Variants in LCTL observed in about 807,000 individuals in gnomAD.
The protein encoded by LCTL is lactase-like protein.
LCTL carries 76 observed loss-of-function variants against 75.8 expected under a neutral mutation model. That is an observed-to-expected ratio of 1.00 (90% CI 0.83 to 1.21). LCTL has a LOEUF of 1.21. Ranked by LOEUF, LCTL falls within the 50% of genes most tolerant of loss-of-function variation. The pLI, the probability that LCTL is intolerant of heterozygous loss-of-function variation, is 0.00. For missense variants in LCTL, 670 were observed against 712.4 expected (o/e 0.94, Z 0.68); for synonymous variants, 271 against 268.8 (o/e 1.01, Z -0.08).
At chr15:66,563,444 A>G in intron 4 of LCTL, 72 bp downstream of exon 5, 1 of 1,018,972 alleles carries the variant, frequency 9.8e-7, no homozygotes, top group South Asian at 1.4e-5. Context: ...TTGGCAACCC[A>G]AGTCCTCAAA....
In LCTL at chr15:66,564,589, A is replaced by G. The variant is rs925523019; in HGVS notation, c.282+87T>C. On this transcript the variant is annotated intron_variant, in intron 2 of 12. Coordinates refer to ENST00000341509, the Ensembl canonical transcript of LCTL. ...TGACATTGTCATCAGAGCTCCCCCA[A>G]ACGTCACTCCCTGCCTCCCAGCTAG... 34 of 1,455,888 alleles carry G rather than the reference A, an allele frequency of 2.3e-5. No individual in the cohort carries two copies. The Middle Eastern group carries it at 7.2e-4, about 31-fold the overall frequency. The allele number at this position is 1,455,888 out of a possible 1,614,324, so 90.2% of individuals were successfully genotyped here. A position where few individuals can be genotyped will look rare whatever the true frequency, so the allele number is the denominator to read the frequency against.
rs76150906 is a variant in LCTL at position 66,564,757 on chromosome 15, G to C, written c.201C>G (p.Asp67Glu). The C allele has an allele frequency of 7.3e-4, 1,170 of 1,613,600 alleles. 1 individual carries two copies. The highest frequency in any genetic ancestry group is 1.9e-3 in the Admixed American group (115 of 60,008). Reference sequence around the variant, plus strand: ...TCCCCTTCCCACTGTGTGTGAAGACGTCCCAGATGCTAGGCCCTTTCCCGT... The same window carrying C: ...TCCCCTTCCCACTGTGTGTGAAGACCTCCCAGATGCTAGGCCCTTTCCCGT... The change falls in exon 2 of 13, where the codon GAC (aspartate) becomes GAG (glutamate). Residue 67 changes from aspartate to glutamate, a missense_variant. By Grantham distance (45) the Asp-to-Glu change is conservative (BLOSUM62 2). Transcript: ENST00000341509.
exon 11 of LCTL, chr15:66,551,732 C>T (rs775038390): frequency 2.2e-5 from 35 of 1,613,772 alleles, no homozygotes; most frequent in Non-Finnish European, 2.6e-5. Flanking sequence ...CTTTGGATAG[C>T]GAGGCTTATT....
chr15:66,554,874 A>C (rs905796445), intron 8 of LCTL, among the ~76,000 whole-genome samples: 1 of 152,186 alleles, frequency 6.6e-6, no homozygotes, highest in Non-Finnish European at 1.5e-5. Flanking sequence ...CCACATGCAC[A>C]ATCCATCTCT....
In LCTL at chr15:66,552,138, A is replaced by G. The variant is rs371752784; in HGVS notation, c.1229T>C (p.Met410Thr). 6.9e-5 allele frequency: 112 copies of G among 1,613,446 alleles called. 1 individual carries two copies. The Middle Eastern group carries it at 8.2e-4, about 12-fold the overall frequency. The change falls in exon 10 of 13, where the codon ATG becomes ACG. Residue 410 changes from methionine (M) to threonine (T), a missense_variant. Transcript: ENST00000341509. ...GAATTTTTGAGATGCTCCATTTTCC[A>G]TCACATATATGGGAGGATCACCGTA...
intron 4 of LCTL, among the ~76,000 whole-genome samples, chr15:66,562,346 T>C (rs1895910499): frequency 6.7e-6 from 1 of 148,264 alleles, no homozygotes; most frequent in African/African-American, 2.5e-5. Context: ...GAGGCTGTAG[T>C]GAGCCGAGAT....
upstream of LCTL, chr15:66,565,577 C>CTA: frequency 1.9e-6 from 1 of 537,616 alleles, no homozygotes; most frequent in South Asian, 2.6e-5. Context: ...ATGGGCAAGA[C>CTA]TCCAAACTAT....
chr15:66,549,834 A>G, intron 12 of LCTL: 1 of 415,782 alleles, frequency 2.4e-6, no homozygotes, highest in South Asian at 5.9e-5. Flanking sequence ...GATAAAATGG[A>G]TAAAATGTTT....
At chr15:66,564,114 A>C in intron 2 of LCTL, 116 bp from the exon 4 acceptor site, 1 of 710,846 alleles carries the variant, frequency 1.4e-6, no homozygotes, top group Non-Finnish European at 2.5e-6. Flanking sequence ...TGGGCAAGGA[A>C]GAACCTGCTT....
chr15:66,551,644 A>T lies in LCTL; in HGVS notation c.1524+18T>A. On this transcript the variant is annotated intron_variant, in intron 11 of 12. Transcript: ENST00000341509. Reference sequence around the variant, plus strand: ...CTTCCTAAAGTTCAGAACAGATAACATTGATAATGAGGCCTACCTCTCTTG... The same window carrying T: ...CTTCCTAAAGTTCAGAACAGATAACTTTGATAATGAGGCCTACCTCTCTTG... 1 of 1,600,950 alleles carries T rather than the reference A, an allele frequency of 6.2e-7. No individual in the cohort carries two copies. The highest frequency in any genetic ancestry group is 1.7e-5 in the Admixed American group (1 of 59,822).
At chr15:66,554,288 C>CAA (rs547806774) in intron 8 of LCTL, among the ~76,000 whole-genome samples, 27 of 43,282 alleles carry the variant, frequency 6.2e-4, no homozygotes, top group African/African-American at 7.9e-4. Context: ...AAGACTGTCT[C>CAA]AAAAAAAAAA....
intron 8 of LCTL, among the ~76,000 whole-genome samples, chr15:66,555,460 GA>G (rs1488755127): frequency 1.2e-4 from 19 of 152,012 alleles, no homozygotes; most frequent in Non-Finnish European, 2.5e-4. Flanking sequence ...AGAATCACTT[GA>G]ACCTGGGAGG....
Position 66,551,214 on chromosome 15 carries a change from G to A in LCTL, c.1524+448C>T, listed in dbSNP as rs572678381. Reference sequence around the variant, plus strand: ...ATACAAAAATTAGCTGGGCGTGGTGGCATGCCCCTGTAATCCCAGCTACTC... The same window carrying A: ...ATACAAAAATTAGCTGGGCGTGGTGACATGCCCCTGTAATCCCAGCTACTC... On this transcript the variant is annotated intron_variant, in intron 11 of 12. Coordinates refer to ENST00000341509, the Ensembl canonical transcript of LCTL. 4.6e-5 allele frequency among the ~76,000 whole-genome samples: 7 copies of A among 151,542 alleles called. 1 individual carries two copies. The South Asian group carries it at 1.2e-3, about 27-fold the overall frequency.
At chr15:66,550,246 T>C (rs1895546834) in intron 11 of LCTL, 142 bp from the exon 13 acceptor site, 2 of 588,236 alleles carry the variant, frequency 3.4e-6, no homozygotes, top group South Asian at 4.6e-5. Flanking sequence ...ATTTTGTAGT[T>C]TAAATTAGTT....
chr15:66,556,691 A>G (rs1301821471), intron 8 of LCTL, among the ~76,000 whole-genome samples: 1 of 152,220 alleles, frequency 6.6e-6, no homozygotes, highest in Non-Finnish European at 1.5e-5. Context: ...TATGCTAAGT[A>G]AAATAAGCCA....
chr15:66,565,452 G>A, exon 1 of LCTL: 1 of 812,126 alleles, frequency 1.2e-6, no homozygotes, highest in Non-Finnish European at 2.0e-6. Flanking sequence ...CTTGGCTTAG[G>A]GCAAAGGCCA....
Position 66,561,369 on chromosome 15 carries a change from T to C in LCTL, c.481-54A>G. ...TGAATGAACCGCAAAGCGGTTTAAA[T>C]GTGGAGATAAGCTGTGTGACAGTCC... On this transcript the variant is annotated intron_variant, in intron 4 of 12. Transcript: ENST00000341509. The C allele has an allele frequency of 1.9e-6, 3 of 1,607,758 alleles. No homozygotes were observed. In the South Asian group the frequency reaches 3.3e-5, roughly 18 times the overall value.
At chr15:66,557,829 T>C in exon 8 of LCTL, 1 of 1,614,054 alleles carries the variant, frequency 6.2e-7, no homozygotes, top group Non-Finnish European at 8.5e-7. Flanking sequence ...GTCCTTGGGG[T>C]TACTAATGTC....
intron 2 of LCTL, 32 bp from the exon 4 acceptor site, chr15:66,564,030 C>A (rs192093671): frequency 2.1e-6 from 3 of 1,452,288 alleles, no homozygotes; most frequent in Admixed American, 3.3e-5. Flanking sequence ...GACAGGTCAC[C>A]TGGGCCCTGG....
Sources: allele counts gnomAD v4.1 joint callset (sites outside exome capture counted in the v4.1 genomes callset), GRCh38; gene constraint gnomAD v4.1.1; transcripts MANE v1.5; gene names NCBI Gene and HGNC (gene_info 2026-07-23, HGNC 2026-07-21).